Variants in THEM6 observed in about 807,000 individuals in gnomAD.
The protein encoded by THEM6 is thioesterase superfamily member 6.
THEM6 carries 10 observed loss-of-function variants against 13.7 expected under a neutral mutation model. The observed-to-expected ratio is 0.73, with a 90% CI of 0.45 to 1.24. The LOEUF is 1.24. THEM6 is among the 50% of genes most tolerant of loss of function. THEM6 has a pLI of 0.00. For synonymous variants in THEM6, 161 were observed against 156.0 expected (o/e 1.03, Z -0.24); for missense variants, 317 against 312.6 (o/e 1.01, Z -0.11).
chr8:142,727,527 C>A lies in THEM6; in HGVS notation c.181C>A (p.Leu61Met). Reference protein sequence around the residue: ...PGRVLPSDLDLLLHMNNARYL... With the variant: ...PGRVLPSDLDMLLHMNNARYL... ...CCGCGTGCTGCCCTCGGACTTGGAC[C>A]TGCTGCTGCACATGAACAACGCGCG... The change falls in exon 1 of 2, where the codon CTG becomes ATG. Residue 61 changes from leucine (L) to methionine (M), a missense_variant. Coordinates refer to ENST00000336138, the MANE Select transcript of THEM6 (RefSeq NM_016647.3). 1 of 1,579,146 alleles carries A rather than the reference C, an allele frequency of 6.3e-7. No individual in the cohort carries two copies. The highest frequency in any genetic ancestry group is 8.5e-7 in the Non-Finnish European group (1 of 1,171,060).
chr8:142,735,216 C>T (rs587688527), intron 1 of THEM6, 110 bp from the exon 2 acceptor site: 12 of 779,606 alleles, frequency 1.5e-5, no homozygotes, highest in South Asian at 8.2e-5. Context: ...GCATGGCAGG[C>T]GGCGGGGCAG....
intron 1 of THEM6, 59 bp from the exon 2 acceptor site, chr8:142,735,267 G>C: frequency 3.1e-6 from 4 of 1,296,022 alleles, no homozygotes; most frequent in Non-Finnish European, 4.4e-6. Flanking sequence ...AGTGTGGGCA[G>C]CGGCCCAGAG....
In THEM6 at chr8:142,727,300, C is replaced by T. The variant is rs1446553443; in HGVS notation, c.-47C>T. The T allele has an allele frequency of 1.8e-5, 25 of 1,427,654 alleles. No homozygotes were observed. In the African/African-American group the frequency reaches 2.9e-4, roughly 16 times the overall value. 88.4% of individuals were successfully genotyped at this position (1,427,654 alleles called of 1,614,324 possible). A position where few individuals can be genotyped will look rare whatever the true frequency, so the allele number is the denominator to read the frequency against. On this transcript the variant is annotated 5_prime_UTR_variant, in exon 1 of 2. Coordinates refer to ENST00000336138, the MANE Select transcript of THEM6 (RefSeq NM_016647.3). ...CCGTAACCAGCGCCGCGGACACCGG[C>T]ACCGGCGCCACGGACTCCGCAGGAC...
Position 142,727,670 on chromosome 8 carries a change from C to A in THEM6, c.324C>A (p.Arg108=). The A allele has an allele frequency of 7.0e-7, 1 of 1,433,948 alleles. No individual in the cohort carries two copies. The highest frequency in any genetic ancestry group is 9.0e-7 in the Non-Finnish European group (1 of 1,105,660). The allele number at this position is 1,433,948 out of a possible 1,614,324, so 88.8% of individuals were successfully genotyped here. The change falls in exon 1 of 2, where the codon CGC becomes CGA. Residue 108 remains arginine, a synonymous_variant. Transcript: ENST00000336138. ...TVLAASCARH[R]RSLRLLEPFE... ...TGGCGGCCTCGTGCGCGCGCCACCG[C>A]CGCTCGCTGCGCCTGCTGGAGCCCT...
intron 1 of THEM6, among the ~76,000 whole-genome samples, chr8:142,732,203 TATA>T (rs1815664285): frequency 1.8e-5 from 2 of 111,050 alleles, no homozygotes; most frequent in African/African-American, 3.7e-5. Context: ...TATATATATA[TATA>T]TTTTAACTAC....
At chr8:142,731,993 A>T (rs1815655017) in intron 1 of THEM6, among the ~76,000 whole-genome samples, 1 of 146,034 alleles carries the variant, frequency 6.8e-6, no homozygotes, top group African/African-American at 2.5e-5. Context: ...TTTTTTTCTG[A>T]CTTCCTCTCC....
Position 142,727,672 on chromosome 8 carries a change from G to T in THEM6, c.326G>T (p.Arg109Leu). The T allele has an allele frequency of 1.4e-6, 2 of 1,432,532 alleles. No homozygotes were observed. Among genetic ancestry groups the T allele is most frequent in the African/African-American group, 1.5e-5 (1 of 66,756 alleles). 88.7% of individuals were successfully genotyped at this position (1,432,532 alleles called of 1,614,324 possible). Residue 109 changes from arginine (R) to leucine (L), a missense_variant, in exon 1 of 2, where the codon CGC becomes CTC. Physicochemically the swap from Arg to Leu is moderately radical, Grantham distance 102. Transcript: ENST00000336138. ...VLAASCARHR[R>L]SLRLLEPFEV... ...GCGGCCTCGTGCGCGCGCCACCGCC[G>T]CTCGCTGCGCCTGCTGGAGCCCTTC...
At chr8:142,731,251 G>C (rs1330467776) in intron 1 of THEM6, among the ~76,000 whole-genome samples, 3 of 152,104 alleles carry the variant, frequency 2.0e-5, no homozygotes, top group Non-Finnish European at 2.9e-5. Context: ...TTTACACACA[G>C]AATTTCCTTT....
Position 142,732,193 on chromosome 8 carries a change from TA to T in THEM6, c.514-3132del, listed in dbSNP as rs1815662828. On this transcript the variant is annotated intron_variant, in intron 1 of 1. Coordinates refer to ENST00000336138, the MANE Select transcript of THEM6 (RefSeq NM_016647.3). ...ATATATATATATATATATATATATA[TA>T]TATATATATATATTTTAACTACTGG... Among the ~76,000 whole-genome samples the T allele has an allele frequency of 4.0e-5, 4 of 99,712 alleles. 1 individual carries two copies. Among genetic ancestry groups the T allele is most frequent in the Non-Finnish European group, 4.0e-5 (2 of 49,500 alleles). 65.4% of individuals were successfully genotyped at this position (99,712 alleles called of 152,430 possible). A position where few individuals can be genotyped will look rare whatever the true frequency, so the allele number is the denominator to read the frequency against.
In THEM6 at chr8:142,727,344, G is replaced by T. The variant is rs781888152; in HGVS notation, c.-3G>T. 7.3e-6 allele frequency: 11 copies of T among 1,509,420 alleles called. No homozygotes were observed. Among genetic ancestry groups the T allele is most frequent in the Non-Finnish European group, 9.7e-6 (11 of 1,136,036 alleles). The allele number at this position is 1,509,420 out of a possible 1,614,324, so 93.5% of individuals were successfully genotyped here. A position where few individuals can be genotyped will look rare whatever the true frequency, so the allele number is the denominator to read the frequency against. ...GCAGGACCCCGCGCCCGCCGCCGCC[G>T]CTATGCTGGGGCTGCTGGTGGCGTT... On this transcript the variant is annotated 5_prime_UTR_variant, in exon 1 of 2. Transcript: ENST00000336138.
At chr8:142,731,738 A>AT (rs1563822394) in intron 1 of THEM6, among the ~76,000 whole-genome samples, 2 of 152,048 alleles carry the variant, frequency 1.3e-5, no homozygotes, top group East Asian at 3.9e-4. Flanking sequence ...GGGCCGGGCA[A>AT]TGGCACCAGC....
At chr8:142,732,474 C>T (rs2572912) in intron 1 of THEM6, among the ~76,000 whole-genome samples, 31,467 of 151,424 alleles carry the variant, frequency 0.21, 3,499 homozygotes, top group East Asian at 0.41. Context: ...ACTACAGAAC[C>T]GGAACCATGG....
At chr8:142,733,618 A>T (rs1459898564) in intron 1 of THEM6, among the ~76,000 whole-genome samples, 1 of 152,170 alleles carries the variant, frequency 6.6e-6, no homozygotes, top group Non-Finnish European at 1.5e-5. Flanking sequence ...GGGGAAACTG[A>T]GGCTCAGAGG....
chr8:142,736,557 A>T lies in THEM6; in HGVS notation c.*1118A>T, dbSNP rs1391475779. The T allele has an allele frequency of 6.6e-6, 1 of 152,232 alleles. No individual in the cohort carries two copies. Among genetic ancestry groups the T allele is most frequent in the African/African-American group, 2.4e-5 (1 of 41,446 alleles). 9.4% of individuals were successfully genotyped at this position (152,232 alleles called of 1,614,324 possible). ...CTAATGCCTCACCTTACAGCTGGGGAAACTGAGGCCTGGAATGGCCCAGAG... is the reference window on the plus strand; with the variant it reads ...CTAATGCCTCACCTTACAGCTGGGGTAACTGAGGCCTGGAATGGCCCAGAG... On this transcript the variant is annotated 3_prime_UTR_variant, in exon 2 of 2. Coordinates refer to ENST00000336138, the MANE Select transcript of THEM6 (RefSeq NM_016647.3).
chr8:142,728,937 CTTTT>C (rs58263738), intron 1 of THEM6, among the ~76,000 whole-genome samples: 6 of 107,266 alleles, frequency 5.6e-5, no homozygotes, highest in African/African-American at 1.4e-4. Flanking sequence ...TTACTATTTT[CTTTT>C]TTTTTTTTTT....
chr8:142,733,407 A>C (rs769046266), intron 1 of THEM6, among the ~76,000 whole-genome samples: 1 of 152,224 alleles, frequency 6.6e-6, no homozygotes, highest in Non-Finnish European at 1.5e-5. Context: ...CTTCTAAGAG[A>C]AGTTACTATT....
At chr8:142,734,396 A>G (rs1815715455) in intron 1 of THEM6, 1 of 152,372 alleles carries the variant, frequency 6.6e-6, no homozygotes, top group Admixed American at 6.5e-5. Flanking sequence ...GGAGTGATAA[A>G]ATCAGGCATG....
chr8:142,732,590 C>T (rs1815673993), intron 1 of THEM6, among the ~76,000 whole-genome samples: 1 of 152,126 alleles, frequency 6.6e-6, no homozygotes, highest in Non-Finnish European at 1.5e-5. Context: ...ATTCAGCCCT[C>T]CAGAATTTCA....
rs1554642381 is a variant in THEM6, at chr8:142,727,311, C to T, written c.-36C>T. On this transcript the variant is annotated 5_prime_UTR_variant, in exon 1 of 2. The change creates a new upstream start codon in the 5' untranslated region. Coordinates refer to ENST00000336138, the MANE Select transcript of THEM6 (RefSeq NM_016647.3). ...GCCGCGGACACCGGCACCGGCGCCA[C>T]GGACTCCGCAGGACCCCGCGCCCGC... The T allele has an allele frequency of 2.1e-6, 3 of 1,448,610 alleles. No individual in the cohort carries two copies. The highest frequency in any genetic ancestry group is 2.9e-5 in the East Asian group (1 of 34,192). 89.7% of individuals were successfully genotyped at this position (1,448,610 alleles called of 1,614,324 possible).
Sources: gnomAD v4.1 joint callset for allele counts (sites outside exome capture counted in the v4.1 genomes callset) on GRCh38, gnomAD v4.1.1 for gene constraint, MANE v1.5 for transcripts, NCBI Gene and HGNC (gene_info 2026-07-23, HGNC 2026-07-21) for gene names.